The following ANKRD52 variants were observed in gnomAD, a reference collection of about 807,000 sequenced individuals.
The protein encoded by ANKRD52 is ankyrin repeat domain 52, also known as serine/threonine-protein phosphatase 6 regulatory ankyrin repeat subunit C.
ANKRD52 carries 7 observed loss-of-function variants against 116.0 expected under a neutral mutation model. That is an observed-to-expected ratio of 0.06 (90% CI 0.03 to 0.11). ANKRD52 has a LOEUF of 0.11. Among genes scored for constraint, ANKRD52 ranks in the 10% least tolerant of loss-of-function variants. ANKRD52 has a pLI of 1.00. For missense variants in ANKRD52, 839 were observed against 1,408.6 expected (o/e 0.60, Z 6.47); for synonymous variants, 528 against 578.1 (o/e 0.91, Z 1.24).
rs182723998 is a variant in ANKRD52 at position 56,241,885 on chromosome 12, C to G, written c.*1257G>C. 97 of 398,016 alleles carry G rather than the reference C, an allele frequency of 2.4e-4. No individual in the cohort carries two copies. The Middle Eastern group carries it at 4.4e-3, about 18-fold the overall frequency. The allele number at this position is 398,016 out of a possible 1,614,324, so 24.7% of individuals were successfully genotyped here. A position where few individuals can be genotyped will look rare whatever the true frequency, so the allele number is the denominator to read the frequency against. ...TTAGAAATCTTATCAGTGCAGCCCC[C>G]AGCTCAATCCCATCTTTCCTCCCTG... On this transcript the variant is annotated 3_prime_UTR_variant, in exon 28 of 28. Transcript: ENST00000267116.
chr12:56,253,216 G>A lies in ANKRD52; in HGVS notation c.1100+72C>T, dbSNP rs1871786074. 3 of 1,507,282 alleles carry A rather than the reference G, an allele frequency of 2.0e-6. No individual in the cohort carries two copies. Among genetic ancestry groups the A allele is most frequent in the Non-Finnish European group, 2.7e-6 (3 of 1,096,776 alleles). The allele number at this position is 1,507,282 out of a possible 1,614,324, so 93.4% of individuals were successfully genotyped here. A position where few individuals can be genotyped will look rare whatever the true frequency, so the allele number is the denominator to read the frequency against. On this transcript the variant is annotated intron_variant, in intron 10 of 27. Transcript: ENST00000267116. This position sits in a 1 kb window ranked among gnomAD's most constrained non-coding sequence, Gnocchi z 5.5. ...GGTGCCCTTTGGCAAGCTTATCTGT[G>A]CCTCCATGGTTGATGTGAGCAGTCT...
chr12:56,243,417 AG>A lies in ANKRD52; in HGVS notation c.2981-26del, dbSNP rs748149347. ...CCTGCAGGGCCAAGGGGGAGAACTG[AG>A]GCATAGAGTCCTGTATCCTAGCCAG... On this transcript the variant is annotated intron_variant, in intron 27 of 27. Coordinates refer to ENST00000267116, the MANE Select transcript of ANKRD52 (RefSeq NM_173595.4). This position sits in a 1 kb window ranked among gnomAD's most constrained non-coding sequence, Gnocchi z 4.6. 8.1e-6 allele frequency: 13 copies of A among 1,610,248 alleles called. No homozygotes were observed. In the East Asian group the frequency reaches 2.5e-4, roughly 30 times the overall value.
In ANKRD52 at chr12:56,254,781, T is replaced by A; in HGVS notation, c.551-61A>T. 11 of 1,599,022 alleles carry A rather than the reference T, an allele frequency of 6.9e-6. No homozygotes were observed. The highest frequency in any genetic ancestry group is 6.9e-6 in the Non-Finnish European group (8 of 1,167,396). ...GGTAAACTCTAAGACCCTACACTCC[T>A]CTCTTCAAAGGCTGCAACCCCACAT... On this transcript the variant is annotated intron_variant, in intron 6 of 27. Coordinates refer to ENST00000267116, the MANE Select transcript of ANKRD52 (RefSeq NM_173595.4). The surrounding 1 kb of genome is among the most constrained non-coding windows in gnomAD (Gnocchi z 4.6).
rs1378557377 is a variant in ANKRD52, at chr12:56,252,988, G to C, written c.1183+16C>G. On this transcript the variant is annotated intron_variant, in intron 11 of 27. Coordinates refer to ENST00000267116, the MANE Select transcript of ANKRD52 (RefSeq NM_173595.4). The surrounding 1 kb of genome is among the most constrained non-coding windows in gnomAD (Gnocchi z 4.7). The stretch of plus-strand genomic sequence containing the variant: ...TCTCCTATACACCTGCCAATCCCCA[G>C]CCCATCAGCACATACCTGAGGAAAG... The C allele has an allele frequency of 6.3e-7, 1 of 1,584,716 alleles. No homozygotes were observed. Among genetic ancestry groups the C allele is most frequent in the Non-Finnish European group, 8.6e-7 (1 of 1,165,374 alleles).
Position 56,248,964 on chromosome 12 carries a change from A to AG in ANKRD52, c.1593-95dup. The AG allele has an allele frequency of 2.3e-6, 2 of 861,386 alleles. No individual in the cohort carries two copies. Among genetic ancestry groups the AG allele is most frequent in the Non-Finnish European group, 3.5e-6 (2 of 567,948 alleles). The allele number at this position is 861,386 out of a possible 1,614,324, so 53.4% of individuals were successfully genotyped here. On this transcript the variant is annotated intron_variant, in intron 15 of 27. Coordinates refer to ENST00000267116, the MANE Select transcript of ANKRD52 (RefSeq NM_173595.4). This position sits in a 1 kb window ranked among gnomAD's most constrained non-coding sequence, Gnocchi z 5.1. ...CCAGAGGAGAGGACCAAGGCCCTCC[A>AG]GGCCTACCTGGCCGCCACCCGTCCT...
chr12:56,257,482 G>A (rs1467930086), intron 2 of ANKRD52, 121 bp from the exon 3 acceptor site: 20 of 931,656 alleles, frequency 2.1e-5, no homozygotes, highest in Non-Finnish European at 8.3e-6. Context: ...TTTCTGCAGC[G>A]TCCTAAGTCC....
chr12:56,237,904 G>C lies in ANKRD52; in HGVS notation c.*5238C>G. 3.6e-6 allele frequency: 3 copies of C among 831,830 alleles called. No homozygotes were observed. 51.5% of individuals were successfully genotyped at this position (831,830 alleles called of 1,614,324 possible). A position where few individuals can be genotyped will look rare whatever the true frequency, so the allele number is the denominator to read the frequency against. On this transcript the variant is annotated 3_prime_UTR_variant, in exon 28 of 28. Coordinates refer to ENST00000267116, the MANE Select transcript of ANKRD52 (RefSeq NM_173595.4). ...ACAGCATAGAAAACCAGAGTGTGGT[G>C]GGAGGACCCGAAGCCGGTTGGGGGA...
rs1871119292 is a variant in ANKRD52, at chr12:56,240,528, C to G, written c.*2614G>C. ...GCGCTGTTCCCTCCCCGCCCTCCCC[C>G]ATGAAGACTGGGGGGCATTCTGCCT... On this transcript the variant is annotated 3_prime_UTR_variant, in exon 28 of 28. Coordinates refer to ENST00000267116, the MANE Select transcript of ANKRD52 (RefSeq NM_173595.4). This position sits in a 1 kb window ranked among gnomAD's most constrained non-coding sequence, Gnocchi z 4.2. The G allele has an allele frequency of 6.6e-6, 1 of 152,042 alleles. No individual in the cohort carries two copies. The highest frequency in any genetic ancestry group is 2.1e-4 in the South Asian group (1 of 4,828). The allele number at this position is 152,042 out of a possible 1,614,324, so 9.4% of individuals were successfully genotyped here.
Position 56,253,169 on chromosome 12 carries a change from G to A in ANKRD52, c.1101-83C>T. ...TTCTGTGACCTACCACCACCCTAGAGTCAGGGTAGGAGGTTCTCCAAGGTG... is the reference window on the plus strand; with the variant it reads ...TTCTGTGACCTACCACCACCCTAGAATCAGGGTAGGAGGTTCTCCAAGGTG... On this transcript the variant is annotated intron_variant, in intron 10 of 27. Transcript: ENST00000267116. This position sits in a 1 kb window ranked among gnomAD's most constrained non-coding sequence, Gnocchi z 5.5. 1 of 1,436,592 alleles carries A rather than the reference G, an allele frequency of 7.0e-7. No homozygotes were observed. The highest frequency in any genetic ancestry group is 9.5e-7 in the Non-Finnish European group (1 of 1,051,500). 89.0% of individuals were successfully genotyped at this position (1,436,592 alleles called of 1,614,324 possible).
chr12:56,252,124 C>A lies in ANKRD52; in HGVS notation c.1512-29G>T, dbSNP rs767831101. On this transcript the variant is annotated intron_variant, in intron 14 of 27. Transcript: ENST00000267116. This position sits in a 1 kb window ranked among gnomAD's most constrained non-coding sequence, Gnocchi z 4.7. ...GGGAAGAGAGAGAGAAAGTTAGGGC[C>A]AGGCTCAGGGAGGTGAATGGGGCTG... is the stretch of plus-strand genomic sequence containing the variant. The A allele has an allele frequency of 6.2e-7, 1 of 1,613,912 alleles. No individual in the cohort carries two copies. Among genetic ancestry groups the A allele is most frequent in the Non-Finnish European group, 8.5e-7 (1 of 1,179,818 alleles).
At position 56,252,333 on chromosome 12, in the gene ANKRD52, G is replaced by A; in HGVS notation, c.1371-18C>T. 2 of 1,612,974 alleles carry A rather than the reference G, an allele frequency of 1.2e-6. No homozygotes were observed. Among genetic ancestry groups the A allele is most frequent in the East Asian group, 2.2e-5 (1 of 44,866 alleles). On this transcript the variant is annotated intron_variant, in intron 13 of 27. Transcript: ENST00000267116. This position sits in a 1 kb window ranked among gnomAD's most constrained non-coding sequence, Gnocchi z 4.7. ...GTGGGGTCCTGGGGAAGAAGTGAAG[G>A]AGGGTGGGGAAGAGAATCAGAGACA...
chr12:56,238,327 C>G lies in ANKRD52; in HGVS notation c.*4815G>C, dbSNP rs1448375996. 6.5e-6 allele frequency: 1 copy of G among 152,776 alleles called. No homozygotes were observed. Among genetic ancestry groups the G allele is most frequent in the Non-Finnish European group, 1.5e-5 (1 of 68,532 alleles). 9.5% of individuals were successfully genotyped at this position (152,776 alleles called of 1,614,324 possible). On this transcript the variant is annotated 3_prime_UTR_variant, in exon 28 of 28. Transcript: ENST00000267116. ...GTGCCCCCCAACACACACCTGCACA[C>G]AGGATGGTGGTGTCTGCAGCATCAC...
At position 56,238,012 on chromosome 12, in the gene ANKRD52, G is replaced by A; in HGVS notation, c.*5130C>T. On this transcript the variant is annotated 3_prime_UTR_variant, in exon 28 of 28. Coordinates refer to ENST00000267116, the MANE Select transcript of ANKRD52 (RefSeq NM_173595.4). ...GCTTTAGCCCAGGGAGGGGAGGGGTGGGGCAAATGCACCGAGGTCCCCACT... is the reference window on the plus strand; with the variant it reads ...GCTTTAGCCCAGGGAGGGGAGGGGTAGGGCAAATGCACCGAGGTCCCCACT... 3.1e-6 allele frequency: 1 copy of A among 321,104 alleles called. No individual in the cohort carries two copies. The highest frequency in any genetic ancestry group is 1.3e-4 in the South Asian group (1 of 7,908). The allele number at this position is 321,104 out of a possible 1,614,324, so 19.9% of individuals were successfully genotyped here.
intron 15 of ANKRD52, among the ~76,000 whole-genome samples, 200 bp downstream of exon 15, chr12:56,251,815 C>T (rs989262299): frequency 1.3e-5 from 2 of 150,706 alleles, no homozygotes; most frequent in Non-Finnish European, 2.9e-5. Flanking sequence ...TTTTTTCCCC[C>T]TGAAGCTCCT....
rs768962687 is a variant in ANKRD52 at position 56,248,236 on chromosome 12, C to T, written c.1777-12G>A. 11 of 1,613,024 alleles carry T rather than the reference C, an allele frequency of 6.8e-6. No individual in the cohort carries two copies. The South Asian group carries it at 1.2e-4, about 18-fold the overall frequency. On this transcript the variant is annotated splice_polypyrimidine_tract_variant and intron_variant, in intron 17 of 27. Transcript: ENST00000267116. The surrounding 1 kb of genome is among the most constrained non-coding windows in gnomAD (Gnocchi z 5.1). ...TGACCGTTGTAGGCCTGGCAAGGTG[C>T]AGGCAACCAGTGCACACAGCTCGGG...
In ANKRD52 at chr12:56,237,871, G is replaced by T; in HGVS notation, c.*5271C>A. The T allele has an allele frequency of 9.1e-7, 1 of 1,100,266 alleles. No homozygotes were observed. The highest frequency in any genetic ancestry group is 1.8e-5 in the South Asian group (1 of 55,332). 68.2% of individuals were successfully genotyped at this position (1,100,266 alleles called of 1,614,324 possible). ...AGCCATGACTACGACAGTTGTACTTGCACCAAAACAGCATAGAAAACCAGA... is the reference window on the plus strand; with the variant it reads ...AGCCATGACTACGACAGTTGTACTTTCACCAAAACAGCATAGAAAACCAGA... On this transcript the variant is annotated 3_prime_UTR_variant, in exon 28 of 28. Transcript: ENST00000267116.
At position 56,253,844 on chromosome 12, in the gene ANKRD52, T is replaced by C; in HGVS notation, c.907-44A>G. 6.3e-7 allele frequency: 1 copy of C among 1,588,184 alleles called. No individual in the cohort carries two copies. Among genetic ancestry groups the C allele is most frequent in the South Asian group, 1.1e-5 (1 of 90,356 alleles). ...TTTTTGTTTTTGTTTTTTTTTCCAG[T>C]GCAAAGCACAGAGAATGCCCTACCT... On this transcript the variant is annotated intron_variant, in intron 8 of 27. Coordinates refer to ENST00000267116, the MANE Select transcript of ANKRD52 (RefSeq NM_173595.4). This position sits in a 1 kb window ranked among gnomAD's most constrained non-coding sequence, Gnocchi z 5.5.
chr12:56,243,453 A>G lies in ANKRD52; in HGVS notation c.2981-61T>C. On this transcript the variant is annotated intron_variant, in intron 27 of 27. Transcript: ENST00000267116. This position sits in a 1 kb window ranked among gnomAD's most constrained non-coding sequence, Gnocchi z 4.6. ...CCTGTATCCTAGCCAGCCTCCCCCA[A>G]GCCCTGAAGTCTCTTCTCTGTGGAG... 6.5e-7 allele frequency: 1 copy of G among 1,548,430 alleles called. No homozygotes were observed. The highest frequency in any genetic ancestry group is 2.3e-5 in the East Asian group (1 of 42,630).
chr12:56,257,371 C>CA lies in ANKRD52; in HGVS notation c.112-11dup. The CA allele has an allele frequency of 6.3e-7, 1 of 1,576,912 alleles. No homozygotes were observed. Among genetic ancestry groups the CA allele is most frequent in the Non-Finnish European group, 8.6e-7 (1 of 1,161,346 alleles). ...TTCGCCTCTCTTGGTCCTGGGAAGGCAAAAAAGAGCAGGGAGTATGGGCGC... is the reference window on the plus strand; with the variant it reads ...TTCGCCTCTCTTGGTCCTGGGAAGGCAAAAAAAGAGCAGGGAGTATGGGCGC... On this transcript the variant is annotated splice_polypyrimidine_tract_variant and intron_variant, in intron 2 of 27. Transcript: ENST00000267116.
Sources: gnomAD v4.1 joint callset for allele counts (sites outside exome capture counted in the v4.1 genomes callset) on GRCh38, gnomAD v4.1.1 for gene constraint, Gnocchi (gnomAD v3.1) non-coding constraint, MANE v1.5 for transcripts, NCBI Gene and HGNC (gene_info 2026-07-23, HGNC 2026-07-21) for gene names.